Variants in KANSL1L observed in about 807,000 individuals in gnomAD.
KANSL1L encodes the protein KAT8 regulatory NSL complex subunit 1 like, also known as KAT8 regulatory NSL complex subunit 1-like protein.
KANSL1L carries 25 observed loss-of-function variants against 108.6 expected under a neutral mutation model. The observed-to-expected ratio is 0.23, with a 90% CI of 0.17 to 0.32. KANSL1L has a LOEUF of 0.32. Among genes scored for constraint, KANSL1L ranks in the 10% least tolerant of loss-of-function variants. The pLI, the probability that KANSL1L is intolerant of heterozygous loss-of-function variation, is 1.00. For missense variants in KANSL1L, 1,137 were observed against 1,125.7 expected (o/e 1.01, Z -0.14); for synonymous variants, 405 against 395.1 (o/e 1.03, Z -0.30).
intron 5 of KANSL1L, chr2:210,097,141 C>T: frequency 2.2e-6 from 1 of 450,984 alleles, no homozygotes; most frequent in Non-Finnish European, 2.9e-6. Context: ...GACGGGGTTT[C>T]TCCATGTTGG....
At position 210,021,485 on chromosome 2, in the gene KANSL1L, A is replaced by G. The variant is rs1011399614; in HGVS notation, c.*1464T>C. ...GATTATAATATCAGACGTGACAAAG[A>G]TTTGAGTTTATTTGCCTGGACAACT... On this transcript the variant is annotated 3_prime_UTR_variant, in exon 15 of 15. Transcript: ENST00000281772. 5 of 152,550 alleles carry G rather than the reference A, an allele frequency of 3.3e-5. No individual in the cohort carries two copies. Among genetic ancestry groups the G allele is most frequent in the African/African-American group, 9.7e-5 (4 of 41,448 alleles). The allele number at this position is 152,550 out of a possible 1,614,324, so 9.4% of individuals were successfully genotyped here.
At chr2:210,026,814 A>G (rs2093943625) in intron 12 of KANSL1L, among the ~76,000 whole-genome samples, 1 of 152,176 alleles carries the variant, frequency 6.6e-6, no homozygotes, top group South Asian at 2.1e-4. Context: ...TCTGTTGCCC[A>G]GGCTGGAGTG....
In KANSL1L at chr2:210,040,460, T is replaced by G. The variant is rs1385049863; in HGVS notation, c.1989A>C (p.Glu663Asp). 2 of 1,563,940 alleles carry G rather than the reference T, an allele frequency of 1.3e-6. No individual in the cohort carries two copies. The highest frequency in any genetic ancestry group is 1.7e-5 in the Admixed American group (1 of 57,712). Residue 663 changes from glutamate to aspartate, a missense_variant, in exon 8 of 15, where the codon GAA becomes GAC. By Grantham distance (45) the Glu-to-Asp change is conservative. Transcript: ENST00000281772. The stretch of plus-strand genomic sequence containing the variant: ...TGATATATTCATCTACAAATTTATT[T>G]TCAGCAAGATTGCCTTTTATTTCAG... Reference protein sequence around the residue: ...KKTEIKGNLAENKFVDEYIIS... With the variant: ...KKTEIKGNLADNKFVDEYIIS...
Position 210,109,347 on chromosome 2 carries a change from T to A in KANSL1L, c.1231-5046A>T, listed in dbSNP as rs534540577. Among the ~76,000 whole-genome samples the A allele has an allele frequency of 2.0e-5, 3 of 152,256 alleles. No homozygotes were observed. The South Asian group carries it at 6.2e-4, about 32-fold the overall frequency. ...GACCCCTAGGAGAGGCTAGGCAAACTACATGGTTCAAGGACTCTGATCCCT... is the reference window on the plus strand; with the variant it reads ...GACCCCTAGGAGAGGCTAGGCAAACAACATGGTTCAAGGACTCTGATCCCT... On this transcript the variant is annotated intron_variant, in intron 3 of 14. Coordinates refer to ENST00000281772, the MANE Select transcript of KANSL1L (RefSeq NM_152519.4).
In KANSL1L at chr2:210,025,106, G is replaced by T; in HGVS notation, c.2562C>A (p.Ser854Arg). The T allele has an allele frequency of 6.3e-7, 1 of 1,589,206 alleles. No individual in the cohort carries two copies. The highest frequency in any genetic ancestry group is 1.1e-5 in the South Asian group (1 of 90,558). ...GGGGTTTTAAATTTGTAACCTGCCTGCTGTTTCTTCTGTGCCACTTGCTTT... is the reference window on the plus strand; with the variant it reads ...GGGGTTTTAAATTTGTAACCTGCCTTCTGTTTCTTCTGTGCCACTTGCTTT... Reference protein sequence around the residue: ...WEQSKWHRRNSRAYSKNVEGQ... With the variant: ...WEQSKWHRRNRRAYSKNVEGQ... Residue 854 changes from serine to arginine, a missense_variant and splice_region_variant, in exon 13 of 15, where the codon AGC becomes AGA. This residue lies in a region of KANSL1L where 575 missense variants were observed against 567.1 expected (regional missense o/e 1.01). Transcript: ENST00000281772.
intron 6 of KANSL1L, among the ~76,000 whole-genome samples, chr2:210,052,852 AAGT>A (rs1387594256): frequency 6.6e-6 from 1 of 152,204 alleles, no homozygotes; most frequent in Admixed American, 6.5e-5. Flanking sequence ...AAGACATAAT[AAGT>A]AGGCTATTCT....
intron 1 of KANSL1L, chr2:210,170,379 A>G: frequency 2.0e-6 from 2 of 985,500 alleles, no homozygotes; most frequent in Non-Finnish European, 2.4e-6. Context: ...ACTCTCCCAG[A>G]GTAAGAAAAC....
At chr2:210,105,080 T>C (rs1342867291) in intron 3 of KANSL1L, among the ~76,000 whole-genome samples, 2 of 152,020 alleles carry the variant, frequency 1.3e-5, no homozygotes, top group Non-Finnish European at 2.9e-5. Context: ...GCTTCCTCAC[T>C]CCAACTGTTC....
chr2:210,158,022 C>T (rs974414083), intron 1 of KANSL1L, among the ~76,000 whole-genome samples: 9 of 152,114 alleles, frequency 5.9e-5, no homozygotes, highest in African/African-American at 1.7e-4. Context: ...TAGAATAAAA[C>T]ATATATACAA....
chr2:210,025,982 G>A (rs2093931476), intron 12 of KANSL1L, among the ~76,000 whole-genome samples: 1 of 152,172 alleles, frequency 6.6e-6, no homozygotes, highest in African/African-American at 2.4e-5. Flanking sequence ...ATCGTCCATT[G>A]TGGAGTACAT....
At chr2:210,057,911 G>A (rs1575439358) in intron 6 of KANSL1L, among the ~76,000 whole-genome samples, 1 of 152,030 alleles carries the variant, frequency 6.6e-6, no homozygotes, top group African/African-American at 2.4e-5. Flanking sequence ...ATCACCTCAG[G>A]ACCCTGTGAT....
intron 6 of KANSL1L, among the ~76,000 whole-genome samples, chr2:210,058,647 C>T (rs2094384096): frequency 6.6e-6 from 1 of 152,066 alleles, no homozygotes; most frequent in African/African-American, 2.4e-5. Flanking sequence ...TCCTGGCTAA[C>T]ATGGTGAAAC....
chr2:210,086,816 A>G (rs749524621), intron 5 of KANSL1L, among the ~76,000 whole-genome samples: 14 of 152,030 alleles, frequency 9.2e-5, no homozygotes, highest in Non-Finnish European at 1.9e-4. Flanking sequence ...ACCTAATTAT[A>G]TACAAGAATT....
At chr2:210,082,373 T>G (rs746488429) in intron 5 of KANSL1L, among the ~76,000 whole-genome samples, 4 of 152,192 alleles carry the variant, frequency 2.6e-5, no homozygotes, top group Admixed American at 2.6e-4. Flanking sequence ...TAAACTACAT[T>G]CAGCACTCGA....
chr2:210,142,220 T>C (rs908799710), intron 2 of KANSL1L, among the ~76,000 whole-genome samples: 2 of 152,094 alleles, frequency 1.3e-5, no homozygotes, highest in Admixed American at 1.3e-4. Context: ...TATTTCTTCA[T>C]GATTCATGTT....
intron 6 of KANSL1L, among the ~76,000 whole-genome samples, chr2:210,059,583 A>T (rs2094397396): frequency 6.6e-6 from 1 of 152,166 alleles, no homozygotes; most frequent in African/African-American, 2.4e-5. Flanking sequence ...TCTCACAGGA[A>T]TATGTTATAC....
intron 5 of KANSL1L, among the ~76,000 whole-genome samples, chr2:210,087,572 T>G (rs2094649678): frequency 6.6e-6 from 1 of 152,172 alleles, no homozygotes; most frequent in African/African-American, 2.4e-5. Flanking sequence ...CAAGAAATCA[T>G]GAACAACATT....
At chr2:210,170,650 A>G (rs1438518707) in intron 1 of KANSL1L, 1 of 152,286 alleles carries the variant, frequency 6.6e-6, no homozygotes, top group Non-Finnish European at 1.5e-5. Flanking sequence ...TTCCTGAAAG[A>G]AAGTGTGAAA....
In KANSL1L at chr2:210,098,206, C is replaced by G. The variant is rs751249476; in HGVS notation, c.1430G>C (p.Ser477Thr). 2 of 1,609,764 alleles carry G rather than the reference C, an allele frequency of 1.2e-6. No individual in the cohort carries two copies. Among genetic ancestry groups the G allele is most frequent in the Non-Finnish European group, 1.7e-6 (2 of 1,178,220 alleles). The change falls in exon 5 of 15, where the codon AGT becomes ACT. Residue 477 changes from serine to threonine, a missense_variant and splice_region_variant. Coordinates refer to ENST00000281772, the MANE Select transcript of KANSL1L (RefSeq NM_152519.4). ...TLLLRNIEKQSAQLTEIINSL... is the reference protein window; with the variant it reads ...TLLLRNIEKQTAQLTEIINSL... ...GTTGATGATCTCAGTCAACTGTGCA[C>G]TCTGCAAGGAAACAGTCAACCTTTT...
Sources: gnomAD v4.1 joint callset for allele counts (sites outside exome capture counted in the v4.1 genomes callset) on GRCh38, gnomAD v4.1.1 for gene constraint, gnomAD v4.1.1 regional missense constraint, MANE v1.5 for transcripts, NCBI Gene and HGNC (gene_info 2026-07-23, HGNC 2026-07-21) for gene names.